ERC2: variants seen among roughly 807,000 people sequenced by gnomAD.
The protein encoded by ERC2 is ELKS/RAB6-interacting/CAST family member 2, also known as ERC protein 2.
A neutral mutation model predicts 114.8 loss-of-function variants in ERC2; 42 were observed. The observed-to-expected ratio is 0.37, with a 90% CI of 0.29 to 0.47. ERC2 has a LOEUF of 0.47. Among genes scored for constraint, ERC2 ranks in the 20% least tolerant of loss-of-function variants. ERC2 has a pLI of 0.99. For synonymous variants in ERC2, 454 were observed against 425.5 expected (o/e 1.07, Z -0.82); for missense variants, 939 against 1,150.7 (o/e 0.82, Z 2.66).
chr3:55,660,786 C>T (rs573935787), intron 17 of ERC2, among the ~76,000 whole-genome samples: 8 of 152,162 alleles, frequency 5.3e-5, no homozygotes, highest in Middle Eastern at 3.2e-3. Context: ...ATTAATAAGC[C>T]ATGTGACACC....
rs2065526288 is a variant in ERC2 at position 55,734,896 on chromosome 3, T to C, written c.2587A>G (p.Ile863Val). 6.2e-7 allele frequency: 1 copy of C among 1,605,604 alleles called. No individual in the cohort carries two copies. The highest frequency in any genetic ancestry group is 8.5e-7 in the Non-Finnish European group (1 of 1,175,738). The part of the protein sequence containing the change: ...EMKQEALLAA[I>V]SEKDANIALL... ...GCAATGTTTGCATCTTTTTCACTGATGGCTGCAAGTAGTGCTTCCTGTCTG... is the reference window on the plus strand; with the variant it reads ...GCAATGTTTGCATCTTTTTCACTGACGGCTGCAAGTAGTGCTTCCTGTCTG... Residue 863 changes from isoleucine (I) to valine (V), a missense_variant, in exon 15 of 18, where the codon ATC becomes GTC. Transcript: ENST00000288221.
chr3:55,570,903 G>A (rs1271070072), intron 17 of ERC2, among the ~76,000 whole-genome samples: 1 of 151,952 alleles, frequency 6.6e-6, no homozygotes, highest in Non-Finnish European at 1.5e-5. Context: ...TGAGGCGGGC[G>A]GATCACGAGG....
At chr3:55,909,615 A>G (rs1423114859) in intron 13 of ERC2, among the ~76,000 whole-genome samples, 1 of 152,100 alleles carries the variant, frequency 6.6e-6, no homozygotes, top group Non-Finnish European at 1.5e-5. Flanking sequence ...GTAAAGGTTC[A>G]GGCAGCCATG....
At chr3:56,032,991 GAA>G (rs1388359643) in intron 7 of ERC2, among the ~76,000 whole-genome samples, 19 of 110,130 alleles carry the variant, frequency 1.7e-4, no homozygotes, top group South Asian at 3.1e-4. Flanking sequence ...AAGAAAGAAA[GAA>G]AGAAAGAAAG....
intron 7 of ERC2, among the ~76,000 whole-genome samples, chr3:56,030,415 G>C (rs1467780842): frequency 6.6e-6 from 1 of 152,094 alleles, no homozygotes; most frequent in Non-Finnish European, 1.5e-5. Flanking sequence ...ATAGTGGTAT[G>C]TTGAAGTCCC....
chr3:55,521,476 C>T (rs2052929514), intron 17 of ERC2, among the ~76,000 whole-genome samples: 2 of 152,238 alleles, frequency 1.3e-5, no homozygotes, highest in Non-Finnish European at 2.9e-5. Context: ...ATGCAGCATA[C>T]TTTCTTGGAG....
chr3:56,148,809 G>A lies in ERC2; in HGVS notation c.1305+168C>T, dbSNP rs557245346. The stretch of plus-strand genomic sequence containing the variant: ...CAAAGGTTTTCCCTGATTGTTTTTT[G>A]GAATCTATATGTCTGAACTAAAAAT... On this transcript the variant is annotated intron_variant, in intron 5 of 17. Coordinates refer to ENST00000288221, the MANE Select transcript of ERC2 (RefSeq NM_015576.3). 2.5e-3 allele frequency among the ~76,000 whole-genome samples: 374 copies of A among 152,138 alleles called. 1 individual carries two copies. Among genetic ancestry groups the A allele is most frequent in the Non-Finnish European group, 3.1e-3 (209 of 67,996 alleles).
chr3:55,992,358 A>G (rs2071146158), intron 10 of ERC2, 108 bp from the exon 11 acceptor site: 3 of 964,874 alleles, frequency 3.1e-6, no homozygotes, highest in East Asian at 2.5e-5. Context: ...AATCACCACC[A>G]AGATTTATGG....
chr3:55,569,231 T>C (rs1417557711), intron 17 of ERC2, among the ~76,000 whole-genome samples: 1 of 152,172 alleles, frequency 6.6e-6, no homozygotes, highest in African/African-American at 2.4e-5. Flanking sequence ...CTTCCCAACC[T>C]ATCTGATTAA....
chr3:55,940,807 CCG>C lies in ERC2; in HGVS notation c.2403+9616_2403+9617del, dbSNP rs2066738702. ...CTCACTACTTAAAATAAAGCTTAAT[CCG>C]TTTCCATAAAATCCATGCAAAACCC... On this transcript the variant is annotated intron_variant, in intron 13 of 17. Transcript: ENST00000288221. Among the ~76,000 whole-genome samples, 3 of 152,154 alleles carry C rather than the reference CCG, an allele frequency of 2.0e-5. No homozygotes were observed. In the South Asian group the frequency reaches 6.2e-4, roughly 32 times the overall value.
chr3:55,758,538 T>G (rs2067204824), intron 14 of ERC2, among the ~76,000 whole-genome samples: 1 of 152,222 alleles, frequency 6.6e-6, no homozygotes, highest in Non-Finnish European at 1.5e-5. Context: ...GGCCCTATCT[T>G]TGGCAGTGTT....
chr3:55,582,228 T>C (rs1485817499), intron 17 of ERC2, among the ~76,000 whole-genome samples: 1 of 152,224 alleles, frequency 6.6e-6, no homozygotes, highest in Non-Finnish European at 1.5e-5. Context: ...TTGTGAACTC[T>C]GGTTTCACAG....
At chr3:55,603,975 C>CG (rs549752364) in intron 17 of ERC2, among the ~76,000 whole-genome samples, 126 of 152,048 alleles carry the variant, frequency 8.3e-4, no homozygotes, top group African/African-American at 2.9e-3. Flanking sequence ...ATGATTTCAC[C>CG]CCCCCCAGCA....
At chr3:56,178,215 A>G (rs1330416118) in intron 3 of ERC2, among the ~76,000 whole-genome samples, 1 of 152,210 alleles carries the variant, frequency 6.6e-6, no homozygotes, top group Non-Finnish European at 1.5e-5. Flanking sequence ...TTCACACACC[A>G]CATACTTTCT....
intron 13 of ERC2, among the ~76,000 whole-genome samples, chr3:55,924,455 T>C (rs1322926650): frequency 6.6e-6 from 1 of 152,126 alleles, no homozygotes; most frequent in African/African-American, 2.4e-5. Context: ...AGATATTCTA[T>C]CTTCAGTCCA....
intron 17 of ERC2, among the ~76,000 whole-genome samples, chr3:55,519,603 A>C (rs930382754): frequency 1.3e-5 from 2 of 152,164 alleles, no homozygotes; most frequent in Non-Finnish European, 1.5e-5. Context: ...CTGGGACCAG[A>C]TCAAATTCCC....
intron 14 of ERC2, among the ~76,000 whole-genome samples, chr3:55,777,083 A>C (rs1050328576): frequency 6.6e-6 from 1 of 152,012 alleles, no homozygotes; most frequent in Non-Finnish European, 1.5e-5. Flanking sequence ...ACATAAAAAA[A>C]AAATAATAAC....
intron 15 of ERC2, among the ~76,000 whole-genome samples, chr3:55,717,078 G>C (rs1012590987): frequency 1.3e-5 from 2 of 152,130 alleles, no homozygotes; most frequent in Non-Finnish European, 2.9e-5. Flanking sequence ...AGGAAAAAAA[G>C]CTTGCTGGGC....
intron 13 of ERC2, among the ~76,000 whole-genome samples, chr3:55,945,754 A>G (rs563331991): frequency 2.0e-5 from 3 of 152,176 alleles, no homozygotes; most frequent in East Asian, 1.9e-4. Context: ...GAGAACATTC[A>G]TTTGCTTTTT....
Sources: gnomAD v4.1 joint callset for allele counts (sites outside exome capture counted in the v4.1 genomes callset) on GRCh38, gnomAD v4.1.1 for gene constraint, MANE v1.5 for transcripts, NCBI Gene and HGNC (gene_info 2026-07-23, HGNC 2026-07-21) for gene names.